The following PTPN4 variants were observed in gnomAD, a reference collection of about 807,000 sequenced individuals.
PTPN4 encodes the protein tyrosine-protein phosphatase non-receptor type 4.
A neutral mutation model predicts 135.5 loss-of-function variants in PTPN4; 49 were observed. That is an observed-to-expected ratio of 0.36 (90% CI 0.29 to 0.46). PTPN4 has a LOEUF of 0.46. Among genes scored for constraint, PTPN4 ranks in the 20% least tolerant of loss-of-function variants. The probability of loss-of-function intolerance (pLI) is 1.00; values close to 1 mark genes in which losing one functional copy is unlikely to be tolerated. For synonymous variants in PTPN4, 333 were observed against 369.9 expected (o/e 0.90, Z 1.14); for missense variants, 860 against 1,101.0 (o/e 0.78, Z 3.10).
At chr2:119,822,013 T>C (rs1677075367) in intron 2 of PTPN4, among the ~76,000 whole-genome samples, 1 of 152,164 alleles carries the variant, frequency 6.6e-6, no homozygotes, top group Non-Finnish European at 1.5e-5. Flanking sequence ...ATGTAGATTG[T>C]GCATGAAATC....
intron 26 of PTPN4, among the ~76,000 whole-genome samples, chr2:119,973,494 A>T (rs189571070): frequency 2.0e-5 from 3 of 152,192 alleles, no homozygotes; most frequent in African/African-American, 7.2e-5. Context: ...TCTTTCAGGT[A>T]TATACCTAGA....
At chr2:119,936,831 T>G (rs1160236071) in intron 15 of PTPN4, among the ~76,000 whole-genome samples, 1 of 152,204 alleles carries the variant, frequency 6.6e-6, no homozygotes, top group East Asian at 1.9e-4. Context: ...GCTTGGAGCC[T>G]TCTCCTTGGA....
intron 2 of PTPN4, among the ~76,000 whole-genome samples, chr2:119,836,589 A>G (rs1345348301): frequency 2.0e-5 from 3 of 152,226 alleles, no homozygotes; most frequent in Non-Finnish European, 4.4e-5. Flanking sequence ...CCAAGTTGGC[A>G]GAGTGGGAAA....
At chr2:119,860,784 T>A in intron 2 of PTPN4, among the ~76,000 whole-genome samples, 1 of 152,170 alleles carries the variant, frequency 6.6e-6, no homozygotes, top group African/African-American at 2.4e-5. Flanking sequence ...CTCACATCTG[T>A]AATCCCAGCA....
chr2:119,931,823 C>T (rs903815667), intron 13 of PTPN4, among the ~76,000 whole-genome samples: 1 of 152,004 alleles, frequency 6.6e-6, no homozygotes, highest in Non-Finnish European at 1.5e-5. Flanking sequence ...CAAAACATAT[C>T]CTTTTACTCC....
intron 19 of PTPN4, among the ~76,000 whole-genome samples, chr2:119,954,811 T>C (rs1369369834): frequency 6.6e-6 from 1 of 152,212 alleles, no homozygotes; most frequent in Non-Finnish European, 1.5e-5. Flanking sequence ...ACATATGGTA[T>C]ATAGGTCTCT....
chr2:119,783,226 G>A (rs1436411995), intron 1 of PTPN4, among the ~76,000 whole-genome samples: 2 of 152,128 alleles, frequency 1.3e-5, no homozygotes, highest in African/African-American at 4.8e-5. Flanking sequence ...GAAGCTATCG[G>A]GAAAGGTTAG....
At chr2:119,881,927 T>C in intron 6 of PTPN4, 97 bp downstream of exon 6, 1 of 1,120,688 alleles carries the variant, frequency 8.9e-7, no homozygotes, top group Non-Finnish European at 1.3e-6. Context: ...GCAAACAAAT[T>C]ATTTAAGAAG....
intron 1 of PTPN4, among the ~76,000 whole-genome samples, chr2:119,795,514 G>T (rs1186967368): frequency 1.3e-5 from 2 of 152,228 alleles, no homozygotes; most frequent in Non-Finnish European, 1.5e-5. Context: ...ACTGCTTCTG[G>T]TGTGTGCATA....
rs1276427814 is a variant in PTPN4, at chr2:119,979,811, T to C, written c.*2741T>C. On this transcript the variant is annotated 3_prime_UTR_variant, in exon 27 of 27. Coordinates refer to ENST00000263708, the MANE Select transcript of PTPN4 (RefSeq NM_002830.4). ...TTAAGAAAGCAATGCTGACTTTTAT[T>C]CTGACAAGTGGAAATCAATAGTGGT... 6.6e-6 allele frequency: 1 copy of C among 152,144 alleles called. No individual in the cohort carries two copies. The highest frequency in any genetic ancestry group is 1.5e-5 in the Non-Finnish European group (1 of 67,964). 9.4% of individuals were successfully genotyped at this position (152,144 alleles called of 1,614,324 possible).
At chr2:119,762,611 T>C (rs186210138) in intron 1 of PTPN4, among the ~76,000 whole-genome samples, 1 of 152,250 alleles carries the variant, frequency 6.6e-6, no homozygotes, top group African/African-American at 2.4e-5. Context: ...GCTTGAGAGT[T>C]AATATGGCCA....
intron 5 of PTPN4, among the ~76,000 whole-genome samples, chr2:119,879,550 T>A (rs557714909): frequency 3.6e-4 from 55 of 152,350 alleles, no homozygotes; most frequent in African/African-American, 1.2e-3. Flanking sequence ...ACCATAATGA[T>A]GTCTTGGCCA....
In PTPN4 at chr2:119,957,051, G is replaced by A. The variant is rs1679298522; in HGVS notation, c.2107G>A (p.Asp703Asn). 1.2e-6 allele frequency: 2 copies of A among 1,609,988 alleles called. No individual in the cohort carries two copies. Among genetic ancestry groups the A allele is most frequent in the Non-Finnish European group, 1.7e-6 (2 of 1,178,496 alleles). The change falls in exon 22 of 27, where the codon GAC becomes AAC. Residue 703 changes from aspartate to asparagine, a missense_variant. By Grantham distance (23) the Asp-to-Asn change is conservative. Coordinates refer to ENST00000263708, the MANE Select transcript of PTPN4 (RefSeq NM_002830.4). ...ACGGGTCATTTTAAAAGGTAATGAA[G>A]ACTACATCAATGCGAACTATATAAA... The part of the protein sequence containing the change: ...ATRVILKGNE[D>N]YINANYINME...
chr2:119,855,619 A>T (rs1677664866), intron 2 of PTPN4, among the ~76,000 whole-genome samples: 1 of 152,082 alleles, frequency 6.6e-6, no homozygotes, highest in Non-Finnish European at 1.5e-5. Context: ...TGACAAGTGG[A>T]GTTTGGAAAA....
chr2:119,923,121 C>G (rs2105030697), intron 12 of PTPN4, among the ~76,000 whole-genome samples: 1 of 152,266 alleles, frequency 6.6e-6, no homozygotes, highest in East Asian at 1.9e-4. Context: ...GGCCTGTAAT[C>G]TCAGTGTTGT....
At chr2:119,902,471 T>C (rs1678419670) in intron 10 of PTPN4, among the ~76,000 whole-genome samples, 1 of 152,204 alleles carries the variant, frequency 6.6e-6, no homozygotes, top group Non-Finnish European at 1.5e-5. Flanking sequence ...GACAGGAATC[T>C]GGATCTACAG....
At chr2:119,957,270 T>A (rs746549977) in intron 22 of PTPN4, among the ~76,000 whole-genome samples, 193 bp downstream of exon 22, 7 of 152,200 alleles carry the variant, frequency 4.6e-5, no homozygotes, top group African/African-American at 7.2e-5. Flanking sequence ...TGGAATGGAA[T>A]AGTCCAGTTC....
chr2:119,827,497 A>T (rs1307196920), intron 2 of PTPN4, among the ~76,000 whole-genome samples: 1 of 152,232 alleles, frequency 6.6e-6, no homozygotes, highest in East Asian at 1.9e-4. Flanking sequence ...GTGAACTAGT[A>T]TTTTATTGAG....
intron 2 of PTPN4, among the ~76,000 whole-genome samples, chr2:119,843,538 G>A (rs1677416277): frequency 8.4e-6 from 1 of 118,512 alleles, no homozygotes; most frequent in Non-Finnish European, 1.8e-5. Context: ...GCCGGGCAGA[G>A]GGGCTCCTCA....
Sources: allele counts gnomAD v4.1 joint callset (sites outside exome capture counted in the v4.1 genomes callset), GRCh38; gene constraint gnomAD v4.1.1; transcripts MANE v1.5; gene names NCBI Gene and HGNC (gene_info 2026-07-23, HGNC 2026-07-21).